The following SRGAP1 variants were observed in gnomAD, a reference collection of about 807,000 sequenced individuals.
The protein encoded by SRGAP1 is SLIT-ROBO Rho GTPase-activating protein 1.
In SRGAP1, 43 loss-of-function variants were observed where a neutral mutation model predicts 121.9. The ratio of observed to expected loss-of-function variants is 0.35; its 90% CI spans 0.28 to 0.46. The LOEUF (loss-of-function observed/expected upper bound fraction) is 0.46, where lower values mean the gene tolerates loss of function less well. SRGAP1 is among the 20% of genes least tolerant of loss of function. The pLI is 1.00. For missense variants in SRGAP1, 1,102 were observed against 1,350.9 expected (o/e 0.82, Z 2.89); for synonymous variants, 447 against 485.4 (o/e 0.92, Z 1.04).
Position 63,967,244 on chromosome 12 carries a change from C to G in SRGAP1, c.68-16703C>G, listed in dbSNP as rs144627628. Among the ~76,000 whole-genome samples, 795 of 152,212 alleles carry G rather than the reference C, an allele frequency of 5.2e-3. 5 individuals carry two copies. The highest frequency in any genetic ancestry group is 0.018 in the African/African-American group (730 of 41,542). Reference sequence around the variant, plus strand: ...TCACTTCTCCCCAGGAGTTCAAGACCCACCTTGGCAACATAGTGAGGCCTC... The same window carrying G: ...TCACTTCTCCCCAGGAGTTCAAGACGCACCTTGGCAACATAGTGAGGCCTC... On this transcript the variant is annotated intron_variant, in intron 1 of 21. Coordinates refer to ENST00000355086, the MANE Select transcript of SRGAP1 (RefSeq NM_020762.4).
intron 1 of SRGAP1, among the ~76,000 whole-genome samples, chr12:63,901,460 T>TC (rs1182379973): frequency 6.6e-6 from 1 of 152,198 alleles, no homozygotes; most frequent in African/African-American, 2.4e-5. Context: ...TCCCCTGTAA[T>TC]CTGAATTCTA....
intron 8 of SRGAP1, 60 bp downstream of exon 8, chr12:64,065,279 T>TGTGAGAATG: frequency 7.4e-7 from 1 of 1,353,050 alleles, no homozygotes; most frequent in Non-Finnish European, 1.0e-6. Flanking sequence ...CTGGAAGACA[T>TGTGAGAATG]TCTCACATGA....
At chr12:64,104,912 TA>T (rs150450699) in intron 15 of SRGAP1, among the ~76,000 whole-genome samples, 1 of 151,370 alleles carries the variant, frequency 6.6e-6, no homozygotes, top group Admixed American at 6.6e-5. Context: ...TATATATATA[TA>T]AAAAATATAA....
Position 64,128,185 on chromosome 12 carries a change from A to G in SRGAP1, c.2865A>G (p.Pro955=). 6.2e-7 allele frequency: 1 copy of G among 1,610,012 alleles called. No individual in the cohort carries two copies. The highest frequency in any genetic ancestry group is 8.5e-7 in the Non-Finnish European group (1 of 1,176,572). Residue 955 remains proline, a synonymous_variant, in exon 21 of 22, where the codon CCA becomes CCG. Transcript: ENST00000355086. ...TGFNDHKPLD[P]ETIAQDIEET... is the part of the protein sequence containing the mutation. Reference sequence around the variant, plus strand: ...TCAATGACCACAAGCCACTGGACCCAGAGACAATTGCTCAGGTACGATGCT... The same window carrying G: ...TCAATGACCACAAGCCACTGGACCCGGAGACAATTGCTCAGGTACGATGCT...
At chr12:63,891,920 A>G (rs1008680925) in intron 1 of SRGAP1, among the ~76,000 whole-genome samples, 9 of 150,006 alleles carry the variant, frequency 6.0e-5, no homozygotes, top group Middle Eastern at 6.9e-3. Flanking sequence ...CAGGAGGCAG[A>G]GGCTGCAGTG....
chr12:64,116,485 A>G (rs1327833622), intron 18 of SRGAP1, among the ~76,000 whole-genome samples: 2 of 151,928 alleles, frequency 1.3e-5, no homozygotes, highest in African/African-American at 2.4e-5. Flanking sequence ...ATTTTCTTAA[A>G]TCTTCTATAA....
At chr12:64,086,264 A>C (rs868439337) in intron 10 of SRGAP1, among the ~76,000 whole-genome samples, 1 of 152,184 alleles carries the variant, frequency 6.6e-6, no homozygotes. Flanking sequence ...TCCGCCCTAA[A>C]TGTACAAAGC....
chr12:63,848,026 A>ATATATATATATAT (rs1266035796), intron 1 of SRGAP1, among the ~76,000 whole-genome samples: 3 of 148,582 alleles, frequency 2.0e-5, no homozygotes, highest in Admixed American at 6.7e-5. Flanking sequence ...TATATATATA[A>ATATATATATATAT]AAGGAGTATC....
intron 1 of SRGAP1, among the ~76,000 whole-genome samples, chr12:63,959,756 C>G (rs2032584392): frequency 6.6e-6 from 1 of 152,110 alleles, no homozygotes; most frequent in African/African-American, 2.4e-5. Flanking sequence ...TTACAACAAC[C>G]ATATAATATG....
Position 63,852,155 on chromosome 12 carries a change from A to C in SRGAP1, c.67+7272A>C, listed in dbSNP as rs1230492383. Among the ~76,000 whole-genome samples the C allele has an allele frequency of 3.3e-5, 5 of 151,508 alleles. 1 individual carries two copies. The South Asian group carries it at 1.0e-3, about 32-fold the overall frequency. Reference sequence around the variant, plus strand: ...CTATAGGCGCCTGCCATCACGCCTGATTTTTGTATTTTTTGTAGAGACGGG... The same window carrying C: ...CTATAGGCGCCTGCCATCACGCCTGCTTTTTGTATTTTTTGTAGAGACGGG... On this transcript the variant is annotated intron_variant, in intron 1 of 21. Coordinates refer to ENST00000355086, the MANE Select transcript of SRGAP1 (RefSeq NM_020762.4).
chr12:63,895,092 CA>C (rs1460846813), intron 1 of SRGAP1, among the ~76,000 whole-genome samples: 2 of 152,204 alleles, frequency 1.3e-5, no homozygotes, highest in African/African-American at 4.8e-5. Context: ...ACAGTCCCAT[CA>C]ACAATGTAAA....
intron 4 of SRGAP1, among the ~76,000 whole-genome samples, chr12:64,020,519 A>C (rs554939324): frequency 7.9e-5 from 12 of 152,294 alleles, no homozygotes; most frequent in South Asian, 2.1e-4. Context: ...TTCTTAGGCC[A>C]CTACAAAAGA....
chr12:64,136,300 G>A (rs2036855047), intron 21 of SRGAP1, among the ~76,000 whole-genome samples: 1 of 152,172 alleles, frequency 6.6e-6, no homozygotes. Context: ...CCAGGAGTTG[G>A]AGGCTGCAGT....
At chr12:63,862,930 C>T (rs1899503576) in intron 1 of SRGAP1, among the ~76,000 whole-genome samples, 1 of 152,162 alleles carries the variant, frequency 6.6e-6, no homozygotes, top group Non-Finnish European at 1.5e-5. Context: ...GAGTTCTGCC[C>T]ATTCCCTGTT....
At chr12:64,093,308 T>C (rs2036090136) in intron 12 of SRGAP1, among the ~76,000 whole-genome samples, 1 of 152,176 alleles carries the variant, frequency 6.6e-6, no homozygotes, top group African/African-American at 2.4e-5. Flanking sequence ...TAATTATATC[T>C]GAATGAAATA....
At chr12:64,134,557 G>T (rs151114419) in intron 21 of SRGAP1, among the ~76,000 whole-genome samples, 4,919 of 152,148 alleles carry the variant, frequency 0.032, 283 homozygotes, top group African/African-American at 0.11. Context: ...TAAGCCTTTG[G>T]ATCCCTTCCT....
chr12:63,990,202 A>C lies in SRGAP1; in HGVS notation c.426+130A>C. 6.9e-6 allele frequency: 5 copies of C among 724,696 alleles called. 1 individual carries two copies. In the South Asian group the frequency reaches 1.1e-4, roughly 16 times the overall value. 44.9% of individuals were successfully genotyped at this position (724,696 alleles called of 1,614,324 possible). On this transcript the variant is annotated intron_variant, in intron 3 of 21. Coordinates refer to ENST00000355086, the MANE Select transcript of SRGAP1 (RefSeq NM_020762.4). ...TAGAGACACAGAATAAACAGTTAAA[A>C]ATTAGATGAATGGATGTTTTAAAGA...
chr12:63,854,633 A>G (rs1654774582), intron 1 of SRGAP1, among the ~76,000 whole-genome samples: 1 of 152,222 alleles, frequency 6.6e-6, no homozygotes, highest in Middle Eastern at 3.2e-3. Flanking sequence ...CTTCAATTTT[A>G]TACTCAATAT....
rs115670633 is a variant in SRGAP1 at position 63,870,517 on chromosome 12, G to A, written c.67+25634G>A. Among the ~76,000 whole-genome samples the A allele has an allele frequency of 3.8e-3, 573 of 150,242 alleles. 2 individuals are homozygous for A. Among genetic ancestry groups the A allele is most frequent in the African/African-American group, 0.013 (524 of 40,854 alleles). On this transcript the variant is annotated intron_variant, in intron 1 of 21. Transcript: ENST00000355086. ...GCTTTGCTAGTTTCCAAATGAAGAGGTTCCTCCCTATCTTGATTTTTTTTT... is the reference window on the plus strand; with the variant it reads ...GCTTTGCTAGTTTCCAAATGAAGAGATTCCTCCCTATCTTGATTTTTTTTT...
Sources: gnomAD v4.1 joint callset for allele counts (sites outside exome capture counted in the v4.1 genomes callset) on GRCh38, gnomAD v4.1.1 for gene constraint, MANE v1.5 for transcripts, NCBI Gene and HGNC (gene_info 2026-07-23, HGNC 2026-07-21) for gene names.